TUBB3: variants seen among roughly 807,000 people sequenced by gnomAD.
The protein encoded by TUBB3 is tubulin beta-3 chain.
In TUBB3, 17 loss-of-function variants were observed where a neutral mutation model predicts 37.8. The ratio of observed to expected loss-of-function variants is 0.45; its 90% CI spans 0.31 to 0.67. The LOEUF (loss-of-function observed/expected upper bound fraction) is 0.67, where lower values mean the gene tolerates loss of function less well. TUBB3 is among the 30% of genes least tolerant of loss of function. The probability of loss-of-function intolerance (pLI) is 0.07; values close to 1 mark genes in which losing one functional copy is unlikely to be tolerated. For missense variants in TUBB3, 262 were observed against 657.9 expected (o/e 0.40, Z 6.58); for synonymous variants, 332 against 278.9 (o/e 1.19, Z -1.90).
intron 1 of TUBB3, among the ~76,000 whole-genome samples, chr16:89,929,722 G>C (rs1022303653): frequency 6.6e-6 from 1 of 152,076 alleles, no homozygotes; most frequent in Admixed American, 6.5e-5. Flanking sequence ...TTTTATTTGA[G>C]ACGGTGTTTC....
upstream of TUBB3, chr16:89,923,334 C>T (rs1337021432): frequency 8.8e-6 from 12 of 1,365,580 alleles, no homozygotes; most frequent in African/African-American, 3.1e-5. Flanking sequence ...CGGCCGCGGT[C>T]CCCGACCCTC....
At chr16:89,927,095 C>T (rs926970172) in intron 1 of TUBB3, among the ~76,000 whole-genome samples, 2 of 151,852 alleles carry the variant, frequency 1.3e-5, no homozygotes, top group African/African-American at 4.8e-5. Flanking sequence ...GTAACATAGG[C>T]CAGGTGCGGT....
At chr16:89,934,555 G>T in intron 3 of TUBB3, 174 bp from the exon 4 acceptor site, 2 of 686,402 alleles carry the variant, frequency 2.9e-6, no homozygotes, top group Non-Finnish European at 5.2e-6. Context: ...CAGCAGCATC[G>T]GCTCAGGGAA....
Position 89,934,865 on chromosome 16 carries a change from G to T in TUBB3, c.414G>T (p.Ser138=), listed in dbSNP as rs113548504. The T allele has an allele frequency of 6.2e-7, 1 of 1,614,148 alleles. No individual in the cohort carries two copies. ...DCLQGFQLTH[S]LGGGTGSGMG... Reference sequence around the variant, plus strand: ...TGCAGGGCTTCCAGCTGACCCACTCGCTGGGGGGCGGCACGGGCTCCGGCA... The same window carrying T: ...TGCAGGGCTTCCAGCTGACCCACTCTCTGGGGGGCGGCACGGGCTCCGGCA... The change falls in exon 4 of 4, where the codon TCG becomes TCT. Residue 138 remains serine (S), a synonymous_variant. Coordinates refer to ENST00000315491, the MANE Select transcript of TUBB3 (RefSeq NM_006086.4).
At position 89,933,914 on chromosome 16, in the gene TUBB3, C is replaced by T. The variant is rs149037569; in HGVS notation, c.277+336C>T. 124 of 636,244 alleles carry T rather than the reference C, an allele frequency of 1.9e-4. 4 individuals are homozygous for T. The East Asian group carries it at 2.0e-3, about 10-fold the overall frequency. 39.4% of individuals were successfully genotyped at this position (636,244 alleles called of 1,614,324 possible). On this transcript the variant is annotated intron_variant, in intron 3 of 3. Coordinates refer to ENST00000315491, the MANE Select transcript of TUBB3 (RefSeq NM_006086.4). ...CCTTGCTGCGGTCAAGAGATCAGGACGTTCCCATGCCTGTGTCCTGGGGTT... is the reference window on the plus strand; with the variant it reads ...CCTTGCTGCGGTCAAGAGATCAGGATGTTCCCATGCCTGTGTCCTGGGGTT...
intron 1 of TUBB3, among the ~76,000 whole-genome samples, chr16:89,926,868 C>T (rs1390283532): frequency 1.3e-5 from 2 of 152,054 alleles, no homozygotes; most frequent in African/African-American, 4.8e-5. Context: ...CAGGCGCCCG[C>T]CACCACACCT....
chr16:89,931,070 A>G (rs993140066), intron 1 of TUBB3, among the ~76,000 whole-genome samples: 1 of 151,050 alleles, frequency 6.6e-6, no homozygotes, highest in African/African-American at 2.4e-5. Flanking sequence ...TTCGTGATCC[A>G]CCCGCCTCGG....
At chr16:89,929,135 G>A (rs1049567934) in intron 1 of TUBB3, among the ~76,000 whole-genome samples, 5 of 151,942 alleles carry the variant, frequency 3.3e-5, no homozygotes, top group African/African-American at 9.7e-5. Flanking sequence ...GCTAATTTTT[G>A]TATTTTTAGT....
chr16:89,932,506 A>G, intron 1 of TUBB3, 65 bp from the exon 2 acceptor site: 1 of 1,411,564 alleles, frequency 7.1e-7, no homozygotes, highest in Non-Finnish European at 1.0e-6. Context: ...AAGGCTTCAC[A>G]AGGGAAAGGG....
chr16:89,925,869 G>T (rs986060658), intron 1 of TUBB3, among the ~76,000 whole-genome samples: 3 of 152,246 alleles, frequency 2.0e-5, no homozygotes, highest in African/African-American at 7.2e-5. Flanking sequence ...GAGGCCGGGA[G>T]CAAAGCCGGG....
chr16:89,926,942 C>T (rs1211456944), intron 1 of TUBB3, among the ~76,000 whole-genome samples: 1 of 151,342 alleles, frequency 6.6e-6, no homozygotes, highest in African/African-American at 2.4e-5. Flanking sequence ...GTCTCAAACT[C>T]CTGACCTCAG....
chr16:89,926,262 G>GGGGCT (rs948819101), intron 1 of TUBB3, among the ~76,000 whole-genome samples: 2 of 152,286 alleles, frequency 1.3e-5, no homozygotes, highest in Middle Eastern at 3.4e-3. Context: ...GCTGCGGGGC[G>GGGGCT]GGGCTGGGGG....
chr16:89,932,158 A>C, intron 1 of TUBB3: 1 of 323,692 alleles, frequency 3.1e-6, no homozygotes, highest in Non-Finnish European at 6.1e-6. Flanking sequence ...TCTGCCAGCT[A>C]CTGTGGGTGT....
At chr16:89,924,942 C>T (rs377306034) in intron 1 of TUBB3, among the ~76,000 whole-genome samples, 1 of 133,448 alleles carries the variant, frequency 7.5e-6, no homozygotes, top group South Asian at 2.8e-4. Context: ...TCAGGGGTCG[C>T]TGGGGGGAGG....
intron 1 of TUBB3, among the ~76,000 whole-genome samples, chr16:89,930,338 C>T (rs917495927): frequency 1.1e-4 from 17 of 151,394 alleles, no homozygotes; most frequent in Non-Finnish European, 7.4e-5. Context: ...CTCCTGACCT[C>T]GTGACCCACC....
chr16:89,931,989 TG>T (rs2030297333), intron 1 of TUBB3: 3 of 275,542 alleles, frequency 1.1e-5, no homozygotes, highest in South Asian at 9.6e-5. Context: ...CAGACCCAGC[TG>T]GGGGTCCCCG....
At position 89,936,000 on chromosome 16, in the gene TUBB3, T is replaced by A; in HGVS notation, c.*196T>A. 1 of 670,862 alleles carries A rather than the reference T, an allele frequency of 1.5e-6. No individual in the cohort carries two copies. 41.6% of individuals were successfully genotyped at this position (670,862 alleles called of 1,614,324 possible). On this transcript the variant is annotated 3_prime_UTR_variant, in exon 4 of 4. Transcript: ENST00000315491. ...TGAGCTGCTCCTGTCTCTGTCTTAT[T>A]GCAGCTCCAGGCCTGACGTTTTACG... is the stretch of plus-strand genomic sequence containing the variant.
chr16:89,923,691 C>T (rs1459142497), intron 1 of TUBB3, among the ~76,000 whole-genome samples: 1 of 152,206 alleles, frequency 6.6e-6, no homozygotes, highest in Non-Finnish European at 1.5e-5. Flanking sequence ...TCACGTCAGT[C>T]GCGAAGCCTC....
In TUBB3 at chr16:89,935,989, C is replaced by T; in HGVS notation, c.*185C>T. The T allele has an allele frequency of 1.4e-6, 1 of 710,338 alleles. No homozygotes were observed. The highest frequency in any genetic ancestry group is 2.3e-6 in the Non-Finnish European group (1 of 433,346). 44.0% of individuals were successfully genotyped at this position (710,338 alleles called of 1,614,324 possible). A position where few individuals can be genotyped will look rare whatever the true frequency, so the allele number is the denominator to read the frequency against. On this transcript the variant is annotated 3_prime_UTR_variant, in exon 4 of 4. Coordinates refer to ENST00000315491, the MANE Select transcript of TUBB3 (RefSeq NM_006086.4). The stretch of plus-strand genomic sequence containing the variant: ...TAGGCCACGTGTGAGCTGCTCCTGT[C>T]TCTGTCTTATTGCAGCTCCAGGCCT...
Sources: allele counts gnomAD v4.1 joint callset (sites outside exome capture counted in the v4.1 genomes callset), GRCh38; gene constraint gnomAD v4.1.1; transcripts MANE v1.5; gene names NCBI Gene and HGNC (gene_info 2026-07-23, HGNC 2026-07-21).